Variants in VRK2 observed in about 807,000 individuals in gnomAD.
The protein encoded by VRK2 is serine/threonine-protein kinase VRK2.
VRK2 carries 60 observed loss-of-function variants against 57.6 expected under a neutral mutation model. The observed-to-expected ratio is 1.04, with a 90% CI of 0.85 to 1.29. The LOEUF is 1.29. VRK2 is among the 50% of genes most tolerant of loss of function. The pLI is 0.00. For synonymous variants in VRK2, 231 were observed against 199.2 expected (o/e 1.16, Z -1.35); for missense variants, 705 against 588.1 (o/e 1.20, Z -2.06).
intron 10 of VRK2, among the ~76,000 whole-genome samples, chr2:58,137,152 G>GATACATATATCATATATATGATACA: frequency 7.4e-4 from 1 of 1,344 alleles, no homozygotes; most frequent in East Asian, 0.062. Context: ...TATATATCAT[G>GATACATATATCATATATATGATACA]TGTTTATATA....
At chr2:58,087,598 G>T (rs1671806821) in intron 5 of VRK2, among the ~76,000 whole-genome samples, 1 of 152,062 alleles carries the variant, frequency 6.6e-6, no homozygotes, top group Non-Finnish European at 1.5e-5. Flanking sequence ...GGTATGGAAG[G>T]TGCCAAACAG....
intron 2 of VRK2, among the ~76,000 whole-genome samples, chr2:58,063,439 A>G (rs890865923): frequency 1.3e-5 from 2 of 151,936 alleles, no homozygotes; most frequent in African/African-American, 4.8e-5. Context: ...GGCACCCTGA[A>G]TACCCTGACT....
chr2:58,157,384 C>G (rs1014383176), intron 12 of VRK2, among the ~76,000 whole-genome samples: 5 of 152,102 alleles, frequency 3.3e-5, no homozygotes, highest in African/African-American at 1.2e-4. Context: ...GGGTGCTGTC[C>G]TGTGATGTAG....
intron 1 of VRK2, among the ~76,000 whole-genome samples, chr2:58,014,519 T>G (rs1372420167): frequency 1.3e-5 from 2 of 152,232 alleles, no homozygotes; most frequent in African/African-American, 4.8e-5. Flanking sequence ...CCTTTACCCT[T>G]GCATTCTGCT....
At chr2:57,926,123 T>C (rs1670523692) in intron 1 of VRK2, among the ~76,000 whole-genome samples, 1 of 151,986 alleles carries the variant, frequency 6.6e-6, no homozygotes, top group Non-Finnish European at 1.5e-5. Context: ...TTTTATTTTT[T>C]AAGACTTTTT....
intron 7 of VRK2, among the ~76,000 whole-genome samples, chr2:58,117,738 A>G (rs1054591202): frequency 4.6e-5 from 7 of 152,154 alleles, no homozygotes; most frequent in African/African-American, 1.7e-4. Context: ...TCAAGTTTGT[A>G]TTGGGGTCAA....
chr2:57,970,274 T>A (rs1480717925), intron 1 of VRK2, among the ~76,000 whole-genome samples: 1 of 150,794 alleles, frequency 6.6e-6, no homozygotes, highest in Non-Finnish European at 1.5e-5. Context: ...GACTATTGTA[T>A]GTTTTCCCCA....
chr2:58,093,743 C>G (rs1025124465), intron 7 of VRK2, among the ~76,000 whole-genome samples: 5 of 152,142 alleles, frequency 3.3e-5, no homozygotes, highest in Admixed American at 1.3e-4. Flanking sequence ...CTTGCCCATG[C>G]CTGTGTCCTG....
chr2:58,004,538 A>C (rs956072639), intron 1 of VRK2, among the ~76,000 whole-genome samples: 1 of 152,148 alleles, frequency 6.6e-6, no homozygotes, highest in African/African-American at 2.4e-5. Flanking sequence ...GAGAAGTTTA[A>C]ACCTGAGCTT....
intron 9 of VRK2, among the ~76,000 whole-genome samples, chr2:58,133,260 T>C (rs1362871942): frequency 3.3e-5 from 5 of 152,092 alleles, no homozygotes; most frequent in African/African-American, 1.2e-4. Flanking sequence ...AAATTATTAT[T>C]TTACATGTAT....
In VRK2 at chr2:58,067,584, A is replaced by T. The variant is rs189562039; in HGVS notation, c.137-16505A>T. Among the ~76,000 whole-genome samples, 114 of 152,064 alleles carry T rather than the reference A, an allele frequency of 7.5e-4. 1 individual carries two copies. Among genetic ancestry groups the T allele is most frequent in the Middle Eastern group, 3.4e-3 (1 of 294 alleles). On this transcript the variant is annotated intron_variant, in intron 2 of 12. Transcript: ENST00000340157. ...TTTCAGAGAAATAGCTCTTGGTTTC[A>T]TTTACTCTATTCCATTTCATTGACT... is the stretch of plus-strand genomic sequence containing the variant.
intron 4 of VRK2, among the ~76,000 whole-genome samples, chr2:58,085,178 C>T (rs531340485): frequency 6.6e-6 from 1 of 151,926 alleles, no homozygotes; most frequent in South Asian, 2.1e-4. Flanking sequence ...GTTTCTACTA[C>T]TTTACATAAA....
chr2:58,137,007 A>T (rs1434389676), intron 10 of VRK2, among the ~76,000 whole-genome samples: 4 of 132,596 alleles, frequency 3.0e-5, no homozygotes, highest in African/African-American at 5.8e-5. Flanking sequence ...TATCATATAT[A>T]TTATATATAT....
chr2:58,131,709 C>G, intron 8 of VRK2, 99 bp from the exon 9 acceptor site: 4 of 1,388,636 alleles, frequency 2.9e-6, no homozygotes, highest in Non-Finnish European at 3.8e-6. Flanking sequence ...GCCTATTTGG[C>G]TTTTTCATAT....
intron 12 of VRK2, among the ~76,000 whole-genome samples, chr2:58,148,497 ATTATT>A (rs745721832): frequency 6.6e-6 from 1 of 151,620 alleles, no homozygotes; most frequent in Non-Finnish European, 1.5e-5. Context: ...AGCTTTTTAT[ATTATT>A]TGTTTTTTTA....
At position 58,132,124 on chromosome 2, in the gene VRK2, A is replaced by T. The variant is rs1045138732; in HGVS notation, c.797+196A>T. On this transcript the variant is annotated intron_variant, in intron 9 of 12. Coordinates refer to ENST00000340157, the MANE Select transcript of VRK2 (RefSeq NM_006296.7). ...CATTAAGGTAACATTGTAAAAAGACATGTATTTGAATTACAGTGCAAAATA... is the reference window on the plus strand; with the variant it reads ...CATTAAGGTAACATTGTAAAAAGACTTGTATTTGAATTACAGTGCAAAATA... 4 of 576,090 alleles carry T rather than the reference A, an allele frequency of 6.9e-6. No homozygotes were observed. The African/African-American group carries it at 7.6e-5, about 11-fold the overall frequency. 35.7% of individuals were successfully genotyped at this position (576,090 alleles called of 1,614,324 possible).
rs573335651 is a variant in VRK2 at position 57,954,957 on chromosome 2, T to G, written c.-439+47118T>G. 5.9e-5 allele frequency among the ~76,000 whole-genome samples: 9 copies of G among 152,292 alleles called. No individual in the cohort carries two copies. The East Asian group carries it at 1.7e-3, about 29-fold the overall frequency. ...GATTATTGGAGATGTTAAATTAACT[T>G]GATATTTTCCCCCAATTAAGTATAA... On this transcript the variant is annotated intron_variant, in intron 1 of 15. Transcript: ENST00000417641.
At chr2:57,955,970 T>C (rs1284718629) in intron 1 of VRK2, among the ~76,000 whole-genome samples, 2 of 152,188 alleles carry the variant, frequency 1.3e-5, no homozygotes, top group African/African-American at 4.8e-5. Context: ...GAGAGATGAA[T>C]TTGGTTTAAT....
intron 3 of VRK2, 89 bp downstream of exon 3, chr2:58,084,227 C>A: frequency 1.5e-6 from 2 of 1,341,742 alleles, no homozygotes; most frequent in Non-Finnish European, 2.1e-6. Context: ...ATTTTTGTAA[C>A]TATTGCCTTA....
Sources: allele counts gnomAD v4.1 joint callset (sites outside exome capture counted in the v4.1 genomes callset), GRCh38; gene constraint gnomAD v4.1.1; transcripts MANE v1.5; gene names NCBI Gene and HGNC (gene_info 2026-07-23, HGNC 2026-07-21).